Variants in FOXJ3 observed in about 807,000 individuals in gnomAD.
FOXJ3 encodes the protein forkhead box protein J3.
FOXJ3 carries 22 observed loss-of-function variants against 76.1 expected under a neutral mutation model. That is an observed-to-expected ratio of 0.29 (90% CI 0.21 to 0.41). The LOEUF is 0.41. FOXJ3 is among the 10% of genes least tolerant of loss of function. FOXJ3 has a pLI of 1.00. For synonymous variants in FOXJ3, 269 were observed against 261.2 expected (o/e 1.03, Z -0.29); for missense variants, 613 against 762.1 (o/e 0.80, Z 2.30).
rs1369155532 is a variant in FOXJ3 at position 42,335,203 on chromosome 1, G to A, written c.-162C>T. On this transcript the variant is annotated 5_prime_UTR_variant, in exon 1 of 13. Transcript: ENST00000361346. ...GAGAGCGGCGGCGGCAGCAAGAGCA[G>A]CCAACATCCGGGGCCGCGCACCCGG... The A allele has an allele frequency of 6.6e-6, 1 of 152,214 alleles. No homozygotes were observed. The highest frequency in any genetic ancestry group is 1.9e-4 in the East Asian group (1 of 5,176). 9.4% of individuals were successfully genotyped at this position (152,214 alleles called of 1,614,324 possible).
At chr1:42,332,237 C>T (rs929595619) in intron 1 of FOXJ3, among the ~76,000 whole-genome samples, 1 of 152,154 alleles carries the variant, frequency 6.6e-6, no homozygotes, top group African/African-American at 2.4e-5. Context: ...CATTATACTA[C>T]TACCCTCCCA....
chr1:42,236,249 C>T (rs150672307), intron 4 of FOXJ3, among the ~76,000 whole-genome samples: 88 of 152,298 alleles, frequency 5.8e-4, no homozygotes, highest in African/African-American at 2.1e-3. Flanking sequence ...AACACAGTGG[C>T]ACACAATCAT....
intron 1 of FOXJ3, among the ~76,000 whole-genome samples, chr1:42,318,974 T>C (rs1655277907): frequency 6.6e-6 from 1 of 152,188 alleles, no homozygotes; most frequent in Non-Finnish European, 1.5e-5. Context: ...CTCACACCTG[T>C]AATCCCAGCA....
At chr1:42,212,332 A>G (rs976424316) in intron 5 of FOXJ3, among the ~76,000 whole-genome samples, 2 of 152,238 alleles carry the variant, frequency 1.3e-5, no homozygotes, top group African/African-American at 4.8e-5. Flanking sequence ...ATTTAAAAAA[A>G]CAATTCAGGA....
intron 4 of FOXJ3, among the ~76,000 whole-genome samples, chr1:42,262,311 C>G (rs1407611267): frequency 6.6e-6 from 1 of 152,186 alleles, no homozygotes; most frequent in Non-Finnish European, 1.5e-5. Context: ...TGCCTGGGTT[C>G]TAATTCCACA....
chr1:42,298,271 T>A (rs565030734), intron 2 of FOXJ3, among the ~76,000 whole-genome samples: 17 of 152,338 alleles, frequency 1.1e-4, no homozygotes, highest in African/African-American at 3.8e-4. Flanking sequence ...AATTACCCAG[T>A]CTCAGGTAGT....
intron 8 of FOXJ3, among the ~76,000 whole-genome samples, chr1:42,194,042 G>C (rs745644195): frequency 4.6e-5 from 7 of 152,112 alleles, no homozygotes; most frequent in Non-Finnish European, 8.8e-5. Context: ...CCTTGATCTT[G>C]AACTTCCCAA....
At chr1:42,318,820 G>A (rs1655268480) in intron 1 of FOXJ3, among the ~76,000 whole-genome samples, 1 of 152,168 alleles carries the variant, frequency 6.6e-6, no homozygotes, top group Non-Finnish European at 1.5e-5. Flanking sequence ...TCATCAAAAA[G>A]TTAGACATAA....
At chr1:42,194,537 A>T (rs766972686) in intron 8 of FOXJ3, among the ~76,000 whole-genome samples, 31 of 152,222 alleles carry the variant, frequency 2.0e-4, no homozygotes, top group Non-Finnish European at 3.8e-4. Flanking sequence ...AGGCACATCT[A>T]TTCTTGTGGT....
intron 8 of FOXJ3, among the ~76,000 whole-genome samples, chr1:42,193,963 T>C (rs1001007649): frequency 6.6e-6 from 1 of 152,204 alleles, no homozygotes; most frequent in Admixed American, 6.5e-5. Context: ...TTCAGCTCCA[T>C]GTGAGAATAC....
chr1:42,199,302 G>C (rs1646713570), intron 6 of FOXJ3, 72 bp from the exon 7 acceptor site: 7 of 1,359,446 alleles, frequency 5.1e-6, no homozygotes, highest in Non-Finnish European at 7.2e-6. Context: ...AAATACAATT[G>C]AGCAGGCATA....
At chr1:42,194,228 T>C (rs1050866505) in intron 8 of FOXJ3, among the ~76,000 whole-genome samples, 2 of 152,156 alleles carry the variant, frequency 1.3e-5, no homozygotes, top group Non-Finnish European at 2.9e-5. Flanking sequence ...TGACAATTCA[T>C]CTCTGGGGAA....
At chr1:42,325,743 G>GTT (rs926470215) in intron 1 of FOXJ3, among the ~76,000 whole-genome samples, 4 of 152,180 alleles carry the variant, frequency 2.6e-5, no homozygotes, top group Admixed American at 6.5e-5. Context: ...AATAATTACT[G>GTT]TAAGTAAACT....
chr1:42,333,745 T>C (rs1297450204), intron 1 of FOXJ3, among the ~76,000 whole-genome samples: 2 of 152,054 alleles, frequency 1.3e-5, no homozygotes, highest in African/African-American at 4.8e-5. Context: ...CAAACCATGT[T>C]TCAAACCAGT....
chr1:42,334,527 G>A (rs992191528), intron 1 of FOXJ3, among the ~76,000 whole-genome samples: 10 of 152,136 alleles, frequency 6.6e-5, no homozygotes, highest in African/African-American at 1.4e-4. Context: ...AAAGGACACA[G>A]ACACAGGATG....
At chr1:42,294,444 C>G (rs2124713343) in intron 2 of FOXJ3, among the ~76,000 whole-genome samples, 1 of 152,256 alleles carries the variant, frequency 6.6e-6, no homozygotes, top group Non-Finnish European at 1.5e-5. Flanking sequence ...ACAGTTTGGG[C>G]TGCTCTCCTG....
intron 7 of FOXJ3, among the ~76,000 whole-genome samples, chr1:42,198,489 A>G (rs1646696765): frequency 1.3e-5 from 2 of 152,116 alleles, no homozygotes; most frequent in Non-Finnish European, 2.9e-5. Context: ...GGGCTCTATT[A>G]TCTGCTCACT....
chr1:42,246,092 T>A (rs761258567), intron 4 of FOXJ3, among the ~76,000 whole-genome samples: 1 of 152,050 alleles, frequency 6.6e-6, no homozygotes, highest in African/African-American at 2.4e-5. Flanking sequence ...CTTCAGGACA[T>A]TGAGTAGACA....
At position 42,324,097 on chromosome 1, in the gene FOXJ3, A is replaced by ACACAG. The variant is rs1369925445; in HGVS notation, c.-18+10961_-18+10962insCTGTG. Among the ~76,000 whole-genome samples the ACACAG allele has an allele frequency of 5.0e-4, 67 of 133,820 alleles. 3 individuals carry two copies. The highest frequency in any genetic ancestry group is 6.9e-4 in the African/African-American group (23 of 33,152). 87.8% of individuals were successfully genotyped at this position (133,820 alleles called of 152,430 possible). On this transcript the variant is annotated intron_variant, in intron 1 of 12. Coordinates refer to ENST00000361346, the MANE Select transcript of FOXJ3 (RefSeq NM_014947.5). Reference sequence around the variant, plus strand: ...TATATATAGTATATATACTGTATATATACTGTGTATATACACTGTATATAC... The same window carrying ACACAG: ...TATATATAGTATATATACTGTATATACACAGTACTGTGTATATACACTGTATATAC...
Sources: allele counts gnomAD v4.1 joint callset (sites outside exome capture counted in the v4.1 genomes callset), GRCh38; gene constraint gnomAD v4.1.1; transcripts MANE v1.5; gene names NCBI Gene and HGNC (gene_info 2026-07-23, HGNC 2026-07-21).